The following PTPRM variants were observed in gnomAD, a reference collection of about 807,000 sequenced individuals.
PTPRM encodes the protein protein tyrosine phosphatase receptor type M, also known as receptor-type tyrosine-protein phosphatase mu.
A neutral mutation model predicts 186.7 loss-of-function variants in PTPRM; 47 were observed. That is an observed-to-expected ratio of 0.25 (90% CI 0.20 to 0.32). PTPRM has a LOEUF of 0.32. PTPRM is among the 10% of genes least tolerant of loss of function. The pLI, the probability that PTPRM is intolerant of heterozygous loss-of-function variation, is 1.00. For missense variants in PTPRM, 1,494 were observed against 1,865.0 expected, an observed-to-expected ratio of 0.80 and a Z score of 3.66; for synonymous variants, 668 against 674.9, an observed-to-expected ratio of 0.99 and a Z score of 0.16.
intron 20 of PTPRM, among the ~76,000 whole-genome samples, chr18:8,301,214 T>C (rs1160565717): frequency 6.6e-6 from 1 of 152,240 alleles, no homozygotes; most frequent in Non-Finnish European, 1.5e-5. Flanking sequence ...AGTGTTTGCA[T>C]ATAAAATAGT....
chr18:7,864,336 T>C (rs1444461501), intron 2 of PTPRM, among the ~76,000 whole-genome samples: 1 of 152,162 alleles, frequency 6.6e-6, no homozygotes, highest in Non-Finnish European at 1.5e-5. Flanking sequence ...TTAGGTCTTA[T>C]GTTTAAGTTT....
chr18:7,764,269 G>A (rs192921891), intron 1 of PTPRM, among the ~76,000 whole-genome samples: 1 of 152,212 alleles, frequency 6.6e-6, no homozygotes, highest in Admixed American at 6.5e-5. Context: ...TTGAACTTCA[G>A]CTTACATGTA....
chr18:8,274,951 T>C (rs1193179365), intron 19 of PTPRM, among the ~76,000 whole-genome samples: 1 of 152,228 alleles, frequency 6.6e-6, no homozygotes, highest in Non-Finnish European at 1.5e-5. Context: ...GAGACATATA[T>C]GATTATCCTT....
intron 21 of PTPRM, among the ~76,000 whole-genome samples, chr18:8,316,192 T>A (rs1487256137): frequency 6.6e-6 from 1 of 152,190 alleles, no homozygotes; most frequent in African/African-American, 2.4e-5. Context: ...GGGGACACCG[T>A]TCACACTCCA....
intron 14 of PTPRM, among the ~76,000 whole-genome samples, chr18:8,219,748 T>TG (rs2094133630): frequency 6.6e-6 from 1 of 152,166 alleles, no homozygotes; most frequent in African/African-American, 2.4e-5. Flanking sequence ...TCTAAAAACT[T>TG]GGAGTTAGCA....
At chr18:7,601,861 C>T (rs2037411509) in intron 1 of PTPRM, among the ~76,000 whole-genome samples, 1 of 152,158 alleles carries the variant, frequency 6.6e-6, no homozygotes, top group African/African-American at 2.4e-5. Context: ...ATAAATTAAT[C>T]TTGTGCCATT....
In PTPRM at chr18:7,949,165, A is replaced by C; in HGVS notation, c.664-16A>C. The C allele has an allele frequency of 6.3e-7, 1 of 1,577,346 alleles. No homozygotes were observed. The highest frequency in any genetic ancestry group is 1.3e-5 in the African/African-American group (1 of 74,104). On this transcript the variant is annotated splice_polypyrimidine_tract_variant and intron_variant, in intron 5 of 32. Transcript: ENST00000580170. Reference sequence around the variant, plus strand: ...TATATTGCTTCTTTTTGTCCTCCCCACCCCACTTGATACAGGGCATTGATG... The same window carrying C: ...TATATTGCTTCTTTTTGTCCTCCCCCCCCCACTTGATACAGGGCATTGATG...
intron 31 of PTPRM, among the ~76,000 whole-genome samples, chr18:8,387,654 T>G (rs2509551): frequency 0.79 from 120,275 of 152,072 alleles, 47,906 homozygotes; most frequent in African/African-American, 0.88. Flanking sequence ...TCAGGGCTCC[T>G]TCCCACCAGC....
At chr18:7,937,437 C>G (rs2051888834) in intron 5 of PTPRM, among the ~76,000 whole-genome samples, 1 of 152,202 alleles carries the variant, frequency 6.6e-6, no homozygotes. Flanking sequence ...AGCCAGTGTG[C>G]CTGGCTGTGC....
intron 14 of PTPRM, among the ~76,000 whole-genome samples, chr18:8,199,478 T>C (rs995556539): frequency 6.6e-6 from 1 of 152,160 alleles, no homozygotes; most frequent in African/African-American, 2.4e-5. Flanking sequence ...TTTGATGATA[T>C]TAGTAGGAGA....
chr18:7,916,743 A>T (rs2050583531), intron 4 of PTPRM, among the ~76,000 whole-genome samples: 1 of 152,224 alleles, frequency 6.6e-6, no homozygotes, highest in Admixed American at 6.5e-5. Flanking sequence ...TCAAGTCAGG[A>T]TTAATTAGCT....
At chr18:8,042,357 T>A (rs2148175806) in intron 7 of PTPRM, among the ~76,000 whole-genome samples, 1 of 152,314 alleles carries the variant, frequency 6.6e-6, no homozygotes, top group South Asian at 2.1e-4. Flanking sequence ...TAAAACGTAT[T>A]GTAAAATAAT....
chr18:7,966,015 TATGAAAGATTG>T (rs2054019950), intron 7 of PTPRM, among the ~76,000 whole-genome samples: 1 of 152,162 alleles, frequency 6.6e-6, no homozygotes, highest in Non-Finnish European at 1.5e-5. Flanking sequence ...AACAACAGAT[TATGAAAGATTG>T]ATAATATGTC....
Position 7,852,810 on chromosome 18 carries a change from A to G in PTPRM, c.197-35296A>G, listed in dbSNP as rs1038048273. The stretch of plus-strand genomic sequence containing the variant: ...GCCTGGGAGTTCGAGGCTGCACTGA[A>G]CTATGATCACACCACTGTACTCCAG... On this transcript the variant is annotated intron_variant, in intron 2 of 32. Transcript: ENST00000580170. Among the ~76,000 whole-genome samples the G allele has an allele frequency of 3.9e-5, 6 of 152,294 alleles. No homozygotes were observed. The East Asian group carries it at 1.2e-3, about 29-fold the overall frequency.
At chr18:8,209,707 T>C (rs1416037402) in intron 14 of PTPRM, among the ~76,000 whole-genome samples, 2 of 152,000 alleles carry the variant, frequency 1.3e-5, no homozygotes, top group East Asian at 3.9e-4. Context: ...TAATCCAATA[T>C]TTTATAAGGA....
At chr18:7,643,484 T>C (rs1276926222) in intron 1 of PTPRM, among the ~76,000 whole-genome samples, 3 of 152,010 alleles carry the variant, frequency 2.0e-5, no homozygotes, top group Non-Finnish European at 4.4e-5. Flanking sequence ...GGACTACAGG[T>C]GCCAGCCACC....
intron 13 of PTPRM, among the ~76,000 whole-genome samples, chr18:8,122,509 T>A: frequency 6.6e-6 from 1 of 152,210 alleles, no homozygotes; most frequent in Non-Finnish European, 1.5e-5. Flanking sequence ...TATCCATGCA[T>A]TAAGTACAAC....
At chr18:7,914,283 C>T (rs983304145) in intron 4 of PTPRM, among the ~76,000 whole-genome samples, 3 of 152,176 alleles carry the variant, frequency 2.0e-5, no homozygotes, top group South Asian at 4.1e-4. Context: ...AAGATAGAGT[C>T]GACTTCTAAA....
chr18:7,623,914 T>G (rs926240613), intron 1 of PTPRM, among the ~76,000 whole-genome samples: 1 of 152,162 alleles, frequency 6.6e-6, no homozygotes, highest in Non-Finnish European at 1.5e-5. Context: ...CTTGCTGCAC[T>G]GTTCTGCCTT....
Sources: gnomAD v4.1 joint callset for allele counts (sites outside exome capture counted in the v4.1 genomes callset) on GRCh38, gnomAD v4.1.1 for gene constraint, MANE v1.5 for transcripts, NCBI Gene and HGNC (gene_info 2026-07-23, HGNC 2026-07-21) for gene names.